The following UBR3 variants were observed in gnomAD, a reference collection of about 807,000 sequenced individuals.
UBR3 encodes ubiquitin protein ligase E3 component n-recognin 3, also known as E3 ubiquitin-protein ligase UBR3.
In UBR3, 85 loss-of-function variants were observed where a neutral mutation model predicts 243.2. That is an observed-to-expected ratio of 0.35 (90% CI 0.29 to 0.42). The LOEUF (loss-of-function observed/expected upper bound fraction) is 0.42. UBR3 is among the 10% of genes least tolerant of loss of function. The pLI is 1.00. For synonymous variants in UBR3, 748 were observed against 799.8 expected (o/e 0.94, Z 1.09); for missense variants, 1,686 against 2,300.8 (o/e 0.73, Z 5.47).
intron 18 of UBR3, among the ~76,000 whole-genome samples, chr2:169,931,268 G>A (rs1416630287): frequency 1.3e-5 from 2 of 149,610 alleles, no homozygotes; most frequent in Admixed American, 6.7e-5. Flanking sequence ...GGAGAATGGC[G>A]TGAACCTGGG....
At chr2:169,992,013 A>G (rs1559165716) in intron 25 of UBR3, among the ~76,000 whole-genome samples, 1 of 152,222 alleles carries the variant, frequency 6.6e-6, no homozygotes, top group Non-Finnish European at 1.5e-5. Context: ...AAATGGGGAA[A>G]TTTACAGCTG....
Position 169,928,773 on chromosome 2 carries a change from A to T in UBR3, c.2471A>T (p.Tyr824Phe). 1.3e-6 allele frequency: 2 copies of T among 1,509,780 alleles called. No homozygotes were observed. Among genetic ancestry groups the T allele is most frequent in the Non-Finnish European group, 1.8e-6 (2 of 1,117,372 alleles). The allele number at this position is 1,509,780 out of a possible 1,614,324, so 93.5% of individuals were successfully genotyped here. Residue 824 changes from tyrosine to phenylalanine, a missense_variant, in exon 18 of 39, where the codon TAC (tyrosine) becomes TTC (phenylalanine). Transcript: ENST00000272793. ...AAAAGTGGCATTATTCCAGGCAGTT[A>T]CAGCTTTGAATCAGTTTTATCAGCT... ...NPKSGIIPGS[Y>F]SFESVLSAVA...
rs542276404 is a variant in UBR3 at position 169,839,626 on chromosome 2, T to G, written c.545+11574T>G. ...TATATGAATGTATTACATTATTACA[T>G]GTACTCAGAAACTATGTACATCTAT... On this transcript the variant is annotated intron_variant, in intron 1 of 38. Coordinates refer to ENST00000272793, the MANE Select transcript of UBR3 (RefSeq NM_172070.4). 3.0e-4 allele frequency among the ~76,000 whole-genome samples: 45 copies of G among 152,344 alleles called. 1 individual carries two copies. The South Asian group carries it at 8.9e-3, about 30-fold the overall frequency.
intron 2 of UBR3, among the ~76,000 whole-genome samples, chr2:169,873,081 C>T (rs1051111538): frequency 5.9e-5 from 9 of 151,940 alleles, no homozygotes; most frequent in African/African-American, 2.2e-4. Flanking sequence ...TTTTACCTTT[C>T]TAATGATACT....
intron 2 of UBR3, among the ~76,000 whole-genome samples, chr2:169,874,082 G>T (rs928154227): frequency 6.6e-6 from 1 of 151,904 alleles, no homozygotes; most frequent in African/African-American, 2.4e-5. Context: ...ATCTAAAGAT[G>T]ATCTGCATGA....
intron 1 of UBR3, among the ~76,000 whole-genome samples, chr2:169,865,344 C>A (rs1215704602): frequency 2.0e-5 from 3 of 152,102 alleles, no homozygotes; most frequent in African/African-American, 7.2e-5. Flanking sequence ...GCCTGAATTA[C>A]AAAAACCAGT....
At chr2:169,855,971 G>C (rs564856109) in intron 1 of UBR3, among the ~76,000 whole-genome samples, 16 of 151,388 alleles carry the variant, frequency 1.1e-4, no homozygotes, top group African/African-American at 3.9e-4. Flanking sequence ...CTGGCCGGGC[G>C]GGGGCTGCCC....
At chr2:170,055,417 A>C (rs2091311307) in intron 32 of UBR3, 43 bp from the exon 33 acceptor site, 1 of 1,599,102 alleles carries the variant, frequency 6.3e-7, no homozygotes, top group Non-Finnish European at 8.5e-7. Flanking sequence ...TGAGTACAAA[A>C]TATCTAGATT....
intron 5 of UBR3, among the ~76,000 whole-genome samples, chr2:169,879,559 C>T (rs944124321): frequency 3.3e-5 from 5 of 152,070 alleles, no homozygotes; most frequent in Admixed American, 3.3e-4. Context: ...ACTTCTGGCT[C>T]CTTTACCTAT....
intron 1 of UBR3, among the ~76,000 whole-genome samples, chr2:169,829,769 T>C (rs560501486): frequency 1.3e-5 from 2 of 152,128 alleles, no homozygotes; most frequent in Admixed American, 1.3e-4. Flanking sequence ...TAAAAGTACT[T>C]TTTAAAATTT....
chr2:169,935,178 GT>G (rs2086278660), intron 19 of UBR3, among the ~76,000 whole-genome samples: 1 of 152,114 alleles, frequency 6.6e-6, no homozygotes. Context: ...TTGTTTGTTT[GT>G]TTTTGAGACA....
chr2:170,028,251 T>C (rs2090582326), intron 30 of UBR3, among the ~76,000 whole-genome samples: 1 of 151,836 alleles, frequency 6.6e-6, no homozygotes, highest in Admixed American at 6.6e-5. Context: ...CCCAAAATAC[T>C]ATACACATAC....
intron 24 of UBR3, among the ~76,000 whole-genome samples, chr2:169,969,292 A>G (rs1359470660): frequency 6.6e-6 from 1 of 152,134 alleles, no homozygotes; most frequent in Non-Finnish European, 1.5e-5. Flanking sequence ...GCATTTCCAC[A>G]GTGGTTTCTT....
intron 1 of UBR3, among the ~76,000 whole-genome samples, chr2:169,865,159 T>G (rs1447704145): frequency 6.6e-6 from 1 of 151,992 alleles, no homozygotes; most frequent in Non-Finnish European, 1.5e-5. Context: ...TAAGACTTGA[T>G]AAAATATTAA....
intron 17 of UBR3, among the ~76,000 whole-genome samples, chr2:169,927,925 G>A (rs73015757): frequency 0.044 from 6,633 of 152,244 alleles, 166 homozygotes; most frequent in Middle Eastern, 0.068. Flanking sequence ...CATACAATGA[G>A]AATCTGATTA....
Position 169,967,896 on chromosome 2 carries a change from T to C in UBR3, c.3634+9370T>C, listed in dbSNP as rs1008068124. The stretch of plus-strand genomic sequence containing the variant: ...ATATAAATATATATAATTATGTATA[T>C]TGAGATATAAAATATTTAATTTTTC... On this transcript the variant is annotated intron_variant, in intron 24 of 38. Transcript: ENST00000272793. Among the ~76,000 whole-genome samples, 5 of 151,648 alleles carry C rather than the reference T, an allele frequency of 3.3e-5. No individual in the cohort carries two copies. The East Asian group carries it at 7.7e-4, about 23-fold the overall frequency.
intron 24 of UBR3, among the ~76,000 whole-genome samples, chr2:169,980,659 C>T (rs1043080724): frequency 6.6e-6 from 1 of 151,516 alleles, no homozygotes; most frequent in African/African-American, 2.4e-5. Context: ...GGTACATGTG[C>T]ACAAAGTGCA....
At chr2:169,868,010 A>AAT (rs1284262912) in intron 1 of UBR3, among the ~76,000 whole-genome samples, 2 of 152,208 alleles carry the variant, frequency 1.3e-5, no homozygotes, top group Admixed American at 1.3e-4. Flanking sequence ...GAACCTAACT[A>AAT]GTATGATCTT....
intron 26 of UBR3, 57 bp downstream of exon 26, chr2:169,994,513 C>G (rs1423209088): frequency 2.0e-6 from 3 of 1,528,206 alleles, no homozygotes; most frequent in South Asian, 2.6e-5. Context: ...TTATTTCCCT[C>G]CAGAATTTTA....
Sources: allele counts gnomAD v4.1 joint callset (sites outside exome capture counted in the v4.1 genomes callset), GRCh38; gene constraint gnomAD v4.1.1; transcripts MANE v1.5; gene names NCBI Gene and HGNC (gene_info 2026-07-23, HGNC 2026-07-21).